Variants in DNTTIP2 observed in about 807,000 individuals in gnomAD.
DNTTIP2 encodes the protein deoxynucleotidyltransferase terminal interacting protein 2.
DNTTIP2 carries 47 observed loss-of-function variants against 62.4 expected under a neutral mutation model. The ratio of observed to expected loss-of-function variants is 0.75; its 90% CI spans 0.60 to 0.96. The LOEUF (loss-of-function observed/expected upper bound fraction) is 0.96, where lower values mean the gene tolerates loss of function less well. Ranked by LOEUF, DNTTIP2 falls within the 40% of genes least tolerant of loss-of-function variation. The pLI, the probability that DNTTIP2 is intolerant of heterozygous loss-of-function variation, is 0.00. For synonymous variants in DNTTIP2, 322 were observed against 300.9 expected, an observed-to-expected ratio of 1.07 and a Z score of -0.73; for missense variants, 870 against 849.1, an observed-to-expected ratio of 1.02 and a Z score of -0.31.
chr1:93,876,976 A>C lies in DNTTIP2; in HGVS notation c.959T>G (p.Leu320Arg). 6 of 1,613,008 alleles carry C rather than the reference A, an allele frequency of 3.7e-6. No individual in the cohort carries two copies. The highest frequency in any genetic ancestry group is 1.3e-5 in the African/African-American group (1 of 75,036). The change falls in exon 2 of 7, where the codon CTG becomes CGG. Residue 320 changes from leucine to arginine, a missense_variant. Coordinates refer to ENST00000436063, the MANE Select transcript of DNTTIP2 (RefSeq NM_014597.5). ...GTCCTGAAGTTCAGAAAGATTCTTCAGCTGAGAACTTTTCTCATTAATTTC... is the reference window on the plus strand; with the variant it reads ...GTCCTGAAGTTCAGAAAGATTCTTCCGCTGAGAACTTTTCTCATTAATTTC... The part of the protein sequence containing the change: ...GKEINEKSSQ[L>R]KNLSELQDTS...
chr1:93,870,024 A>G (rs1655817138), intron 6 of DNTTIP2, 80 bp from the exon 7 acceptor site: 1 of 694,886 alleles, frequency 1.4e-6, no homozygotes, highest in African/African-American at 1.8e-5. Flanking sequence ...AAAGTTGGGA[A>G]TGGAGTGGTG....
At chr1:93,878,756 G>A (rs1656079602) in intron 1 of DNTTIP2, 1 of 233,036 alleles carries the variant, frequency 4.3e-6, no homozygotes, top group Non-Finnish European at 8.4e-6. Flanking sequence ...TGTGCATGGT[G>A]GCCGAAATTA....
chr1:93,872,681 A>G (rs1287109991), intron 4 of DNTTIP2, among the ~76,000 whole-genome samples: 1 of 152,180 alleles, frequency 6.6e-6, no homozygotes, highest in Non-Finnish European at 1.5e-5. Flanking sequence ...TATTTCTACA[A>G]TAAAACAAAA....
rs781048792 is a variant in DNTTIP2, at chr1:93,877,287, C to T, written c.648G>A (p.Lys216=). Residue 216 remains lysine, a synonymous_variant, in exon 2 of 7, where the codon AAG becomes AAA. Coordinates refer to ENST00000436063, the MANE Select transcript of DNTTIP2 (RefSeq NM_014597.5). ...TTCCTGGTACAATCTTACTATCTTT[C>T]TTTTCAGTTTGTGCCTTTAATTTCC... ...MQRKLKAQTE[K]KDSKIVPGNE... 4 of 1,613,560 alleles carry T rather than the reference C, an allele frequency of 2.5e-6. No individual in the cohort carries two copies. The South Asian group carries it at 4.4e-5, about 18-fold the overall frequency.
At chr1:93,877,976 A>G in intron 1 of DNTTIP2, 114 bp from the exon 2 acceptor site, 1 of 1,397,058 alleles carries the variant, frequency 7.2e-7, no homozygotes. Flanking sequence ...CTTTAAAACA[A>G]AAAACAAAAA....
intron 1 of DNTTIP2, 127 bp from the exon 2 acceptor site, chr1:93,877,989 C>T (rs747383926): frequency 1.8e-5 from 24 of 1,349,592 alleles, no homozygotes; most frequent in Non-Finnish European, 2.3e-5. Flanking sequence ...AACAAAAAAA[C>T]CTGCCCAACT....
At position 93,868,250 on chromosome 1, in the gene DNTTIP2, CATT is replaced by C. The variant is rs1290785242; in HGVS notation, c.*1598_*1600del. 6.6e-6 allele frequency: 1 copy of C among 152,178 alleles called. No homozygotes were observed. Among genetic ancestry groups the C allele is most frequent in the Non-Finnish European group, 1.5e-5 (1 of 68,034 alleles). 9.4% of individuals were successfully genotyped at this position (152,178 alleles called of 1,614,324 possible). ...CAGCCAACAAACATGAAAAAACGCTCATTATCACTGCTCATTAGAGAAATGCAA... is the reference window on the plus strand; with the variant it reads ...CAGCCAACAAACATGAAAAAACGCTCATCACTGCTCATTAGAGAAATGCAA... On this transcript the variant is annotated 3_prime_UTR_variant, in exon 7 of 7. Transcript: ENST00000436063.
chr1:93,875,873 C>T, intron 2 of DNTTIP2, 90 bp from the exon 3 acceptor site: 1 of 1,349,912 alleles, frequency 7.4e-7, no homozygotes, highest in Non-Finnish European at 1.0e-6. Flanking sequence ...TTATTCTTCT[C>T]TTCCCTTGTA....
rs958703827 is a variant in DNTTIP2, at chr1:93,868,313, GT to G, written c.*1537del. 2.0e-5 allele frequency: 3 copies of G among 152,152 alleles called. No individual in the cohort carries two copies. The highest frequency in any genetic ancestry group is 7.2e-5 in the African/African-American group (3 of 41,428). 9.4% of individuals were successfully genotyped at this position (152,152 alleles called of 1,614,324 possible). A position where few individuals can be genotyped will look rare whatever the true frequency, so the allele number is the denominator to read the frequency against. On this transcript the variant is annotated 3_prime_UTR_variant, in exon 7 of 7. Transcript: ENST00000436063. ...ACAATGAGATACCATCTCATTGCCAGTTAGAATGGCAATCATTAAAAAGTCA... is the reference window on the plus strand; with the variant it reads ...ACAATGAGATACCATCTCATTGCCAGTAGAATGGCAATCATTAAAAAGTCA...
At chr1:93,878,866 T>A (rs1314647673) in intron 1 of DNTTIP2, 23 of 592,854 alleles carry the variant, frequency 3.9e-5, no homozygotes, top group Non-Finnish European at 6.1e-5. Context: ...TAACCTCTCT[T>A]CCATACTAAA....
chr1:93,876,863 C>T lies in DNTTIP2; in HGVS notation c.1072G>A (p.Ala358Thr), dbSNP rs760557401. The T allele has an allele frequency of 1.2e-6, 2 of 1,613,964 alleles. No homozygotes were observed. The highest frequency in any genetic ancestry group is 1.7e-6 in the Non-Finnish European group (2 of 1,179,884). Reference sequence around the variant, plus strand: ...GTTTGAGTTAATGATTTCATTACAGCCTCAGAGTTCAGATTAGAGTGCACT... The same window carrying T: ...GTTTGAGTTAATGATTTCATTACAGTCTCAGAGTTCAGATTAGAGTGCACT... ...VSVHSNLNSE[A>T]VMKSLTQTFA... The change falls in exon 2 of 7, where the codon GCT (alanine) becomes ACT (threonine). Residue 358 changes from alanine (A) to threonine (T), a missense_variant. Physicochemically the swap from Ala to Thr is moderately conservative, Grantham distance 58 (BLOSUM62 0). Transcript: ENST00000436063.
At chr1:93,878,847 A>G in intron 1 of DNTTIP2, 5 of 540,392 alleles carry the variant, frequency 9.3e-6, no homozygotes, top group African/African-American at 1.9e-5. Context: ...CGACCCAAAT[A>G]AAGTTATCTA....
chr1:93,878,352 T>G (rs1486297245), intron 1 of DNTTIP2, among the ~76,000 whole-genome samples: 1 of 152,176 alleles, frequency 6.6e-6, no homozygotes, highest in Non-Finnish European at 1.5e-5. Context: ...GAGCCAACCC[T>G]GCATTTACTT....
chr1:93,873,422 ACTGT>A, intron 3 of DNTTIP2: 1 of 321,548 alleles, frequency 3.1e-6, no homozygotes, highest in Non-Finnish European at 5.5e-6. Flanking sequence ...CAAGACCCTG[ACTGT>A]AAAAAAAAAA....
chr1:93,875,504 T>A, intron 3 of DNTTIP2, 141 bp downstream of exon 3: 1 of 729,318 alleles, frequency 1.4e-6, no homozygotes, highest in Non-Finnish European at 2.1e-6. Context: ...TAAAAAGAAA[T>A]GACTGTTTTA....
Position 93,873,179 on chromosome 1 carries a change from T to C in DNTTIP2, c.1842A>G (p.Glu614=), listed in dbSNP as rs540814118. 3 of 1,613,128 alleles carry C rather than the reference T, an allele frequency of 1.9e-6. No individual in the cohort carries two copies. Among genetic ancestry groups the C allele is most frequent in the Non-Finnish European group, 2.5e-6 (3 of 1,179,514 alleles). The change falls in exon 4 of 7, where the codon GAA becomes GAG. Residue 614 remains glutamate, a synonymous_variant. Coordinates refer to ENST00000436063, the MANE Select transcript of DNTTIP2 (RefSeq NM_014597.5). ...LQKAVITPDF[E]KNHCVPPYSE... is the part of the protein sequence containing the mutation. ...TATATGGTGGAACACAGTGGTTTTT[T>C]TCAAAATCAGGTGTAATGACGGCTT...
rs1655761655 is a variant in DNTTIP2 at position 93,867,932 on chromosome 1, T to C, written c.*1919A>G. The C allele has an allele frequency of 6.6e-6, 1 of 152,082 alleles. No homozygotes were observed. The highest frequency in any genetic ancestry group is 1.5e-5 in the Non-Finnish European group (1 of 68,014). 9.4% of individuals were successfully genotyped at this position (152,082 alleles called of 1,614,324 possible). Reference sequence around the variant, plus strand: ...ACTCCAAGCAGTAAATATGAGATTTTGGACATAGGTATGGGCAGACTGCAT... The same window carrying C: ...ACTCCAAGCAGTAAATATGAGATTTCGGACATAGGTATGGGCAGACTGCAT... On this transcript the variant is annotated 3_prime_UTR_variant, in exon 7 of 7. Transcript: ENST00000436063.
In DNTTIP2 at chr1:93,869,000, A is replaced by T. The variant is rs974259034; in HGVS notation, c.*851T>A. ...CCAAAACTATTATTAAAAAAAAAAA[A>T]GATTTCATATTTGCTGATATCTCAA... On this transcript the variant is annotated 3_prime_UTR_variant, in exon 7 of 7. Transcript: ENST00000436063. 8 of 152,094 alleles carry T rather than the reference A, an allele frequency of 5.3e-5. No homozygotes were observed. The highest frequency in any genetic ancestry group is 1.4e-4 in the African/African-American group (6 of 41,406). 9.4% of individuals were successfully genotyped at this position (152,094 alleles called of 1,614,324 possible). A position where few individuals can be genotyped will look rare whatever the true frequency, so the allele number is the denominator to read the frequency against.
At chr1:93,872,352 T>G (rs1655887127) in intron 4 of DNTTIP2, 116 bp from the exon 5 acceptor site, 2 of 997,858 alleles carry the variant, frequency 2.0e-6, no homozygotes, top group Admixed American at 5.8e-5. Flanking sequence ...AATGGTTACT[T>G]TATTGAAAGC....
Sources: gnomAD v4.1 joint callset for allele counts (sites outside exome capture counted in the v4.1 genomes callset) on GRCh38, gnomAD v4.1.1 for gene constraint, MANE v1.5 for transcripts, NCBI Gene and HGNC (gene_info 2026-07-23, HGNC 2026-07-21) for gene names.